Variants in N4BP2L2 observed in about 807,000 individuals in gnomAD.
N4BP2L2 encodes NEDD4 binding protein 2 like 2, also known as NEDD4-binding protein 2-like 2.
N4BP2L2 carries 50 observed loss-of-function variants against 56.2 expected under a neutral mutation model. The observed-to-expected ratio is 0.89, with a 90% CI of 0.71 to 1.13. The LOEUF (loss-of-function observed/expected upper bound fraction) is 1.13, where lower values mean the gene tolerates loss of function less well. Ranked by LOEUF, N4BP2L2 falls within the 50% of genes most tolerant of loss-of-function variation. The pLI, the probability that N4BP2L2 is intolerant of heterozygous loss-of-function variation, is 0.00. For missense variants in N4BP2L2, 689 were observed against 693.8 expected (o/e 0.99, Z 0.08); for synonymous variants, 203 against 223.6 (o/e 0.91, Z 0.82).
chr13:32,452,815 G>A (rs1041581114), intron 6 of N4BP2L2, among the ~76,000 whole-genome samples: 11 of 151,998 alleles, frequency 7.2e-5, no homozygotes, highest in African/African-American at 2.2e-4. Flanking sequence ...TATTAAAAAC[G>A]TTTCTTTAAA....
chr13:32,443,262 C>A lies in N4BP2L2; in HGVS notation c.1230G>T (p.Ser410=), dbSNP rs779630327. ...TGTTTCCTGGTTCTGATGCTGCCAC[C>A]GAAGTGAAGATCATTTGAATCCATT... Residue 410 remains serine (S), a synonymous_variant, in exon 7 of 10, where the codon TCG becomes TCT. Transcript: ENST00000357505. 3 of 1,613,806 alleles carry A rather than the reference C, an allele frequency of 1.9e-6. No homozygotes were observed. The Admixed American group carries it at 5.0e-5, about 27-fold the overall frequency.
chr13:32,522,212 T>C lies in N4BP2L2; in HGVS notation c.1443A>G (p.Gln481=), dbSNP rs2051155471. The C allele has an allele frequency of 3.8e-6, 6 of 1,573,618 alleles. No individual in the cohort carries two copies. In the South Asian group the frequency reaches 4.9e-5, roughly 13 times the overall value. ...CCACATATGGCTTCATTTCCCAAGC[T>C]TGTATATTAGTGTTATCTATTATAA... The change falls in exon 4 of 6, where the codon CAA becomes CAG. Residue 481 remains glutamine (Q), a synonymous_variant. Transcript: ENST00000267068.
At chr13:32,506,399 G>C (rs548334757), downstream of N4BP2L2, 7 of 152,120 alleles carry the variant, frequency 4.6e-5, no homozygotes, top group Non-Finnish European at 1.0e-4. Flanking sequence ...TGGGAGTGGG[G>C]GGTGGGGATG....
chr13:32,517,497 T>C, exon 6 of N4BP2L2: 5 of 1,088,296 alleles, frequency 4.6e-6, no homozygotes, highest in Non-Finnish European at 5.6e-6. Context: ...GTCTATAAAA[T>C]AGATAAATTA....
chr13:32,442,239 C>T lies in N4BP2L2; in HGVS notation c.2104+149G>A, dbSNP rs1444686784. 9 of 682,994 alleles carry T rather than the reference C, an allele frequency of 1.3e-5. No individual in the cohort carries two copies. In the Admixed American group the frequency reaches 1.9e-4, roughly 15 times the overall value. 42.3% of individuals were successfully genotyped at this position (682,994 alleles called of 1,614,324 possible). A position where few individuals can be genotyped will look rare whatever the true frequency, so the allele number is the denominator to read the frequency against. The stretch of plus-strand genomic sequence containing the variant: ...GGTGGGGACTTTGAAGATCAAGCAC[C>T]GTTTGCTATGGATCCTCACTCACTG... On this transcript the variant is annotated intron_variant, in intron 7 of 9. Transcript: ENST00000357505.
chr13:32,434,527 G>C (rs957737147), intron 9 of N4BP2L2, among the ~76,000 whole-genome samples: 2 of 152,130 alleles, frequency 1.3e-5, no homozygotes, highest in Non-Finnish European at 2.9e-5. Context: ...AGCTAGTCAG[G>C]AGGAGCCTTA....
At chr13:32,447,410 T>C (rs1353684350) in intron 6 of N4BP2L2, among the ~76,000 whole-genome samples, 1 of 151,414 alleles carries the variant, frequency 6.6e-6, no homozygotes, top group Non-Finnish European at 1.5e-5. Flanking sequence ...GTTAATTCAC[T>C]CATGGGGTGG....
intron 6 of N4BP2L2, among the ~76,000 whole-genome samples, chr13:32,496,205 ATTT>A (rs71071047): frequency 6.8e-6 from 1 of 147,860 alleles, no homozygotes; most frequent in Non-Finnish European, 1.5e-5. Context: ...CCTATTTTTT[ATTT>A]TTTTTTTTTT....
intron 1 of N4BP2L2, among the ~76,000 whole-genome samples, chr13:32,538,132 G>A (rs144665563): frequency 1.7e-3 from 256 of 151,908 alleles, no homozygotes; most frequent in Middle Eastern, 0.014. Flanking sequence ...CAGCCCAGAG[G>A]CCTATTCCAC....
chr13:32,440,761 C>A (rs2076194117), intron 7 of N4BP2L2, among the ~76,000 whole-genome samples: 1 of 152,018 alleles, frequency 6.6e-6, no homozygotes, highest in Non-Finnish European at 1.5e-5. Context: ...CTGTGGCCGG[C>A]CCAAAAAGAA....
chr13:32,471,879 C>G (rs1412862115), intron 6 of N4BP2L2, among the ~76,000 whole-genome samples: 1 of 152,224 alleles, frequency 6.6e-6, no homozygotes, highest in African/African-American at 2.4e-5. Flanking sequence ...TCAGCATAGG[C>G]TGGAAACTGA....
At chr13:32,529,081 G>A (rs1012973398) in intron 2 of N4BP2L2, among the ~76,000 whole-genome samples, 1 of 152,068 alleles carries the variant, frequency 6.6e-6, no homozygotes, top group Non-Finnish European at 1.5e-5. Context: ...AAATAACAAG[G>A]AAAAAAGTCT....
intron 6 of N4BP2L2, among the ~76,000 whole-genome samples, chr13:32,454,155 A>G (rs769298115): frequency 2.0e-5 from 3 of 152,216 alleles, no homozygotes; most frequent in Non-Finnish European, 4.4e-5. Context: ...CCCAGACTCT[A>G]TACAAGCAGG....
Position 32,536,532 on chromosome 13 carries a change from A to AT in N4BP2L2, c.495dup (p.Ser166IlefsTer4). The AT allele has an allele frequency of 6.2e-7, 1 of 1,613,764 alleles. No homozygotes were observed. Among genetic ancestry groups the AT allele is most frequent in the Non-Finnish European group, 8.5e-7 (1 of 1,179,956 alleles). On this transcript the variant is annotated frameshift_variant, in exon 2 of 6. Transcript: ENST00000267068. LOFTEE classifies it high-confidence loss of function. ...TGGAATAATTCATTGTCAATCTCTG[A>AT]TTTTTCAGAGTTAAATTTCTGTTTC... is the stretch of plus-strand genomic sequence containing the variant.
downstream of N4BP2L2, chr13:32,506,896 A>G (rs2091040215): frequency 1.3e-5 from 2 of 152,050 alleles, no homozygotes; most frequent in Admixed American, 6.5e-5. Context: ...AAGCAACTGA[A>G]AGGCATTAAG....
chr13:32,538,687 G>C, exon 1 of N4BP2L2: 3 of 985,462 alleles, frequency 3.0e-6, no homozygotes, highest in Non-Finnish European at 3.6e-6. Context: ...ACGAACCTCT[G>C]TGAAGGTGAA....
intron 6 of N4BP2L2, among the ~76,000 whole-genome samples, chr13:32,493,840 C>T (rs1480270936): frequency 6.6e-6 from 1 of 152,230 alleles, no homozygotes; most frequent in East Asian, 1.9e-4. Flanking sequence ...ATGTTACTCA[C>T]TATAATACTT....
chr13:32,511,525 A>T (rs936823635), exon 6 of N4BP2L2: 1 of 152,228 alleles, frequency 6.6e-6, no homozygotes, highest in African/African-American at 2.4e-5. Flanking sequence ...AATGATTAAC[A>T]TAATAGATTT....
rs181208580 is a variant in N4BP2L2, at chr13:32,487,425, C to T, written c.365+30432G>A. On this transcript the variant is annotated intron_variant, in intron 6 of 9. Coordinates refer to the N4BP2L2 transcript ENST00000357505. ...CAGGGAGGTTGAGGCTGCAATGAGC[C>T]GTGACCGCACCACTGCACTCCAGTC... is the stretch of plus-strand genomic sequence containing the variant. Among the ~76,000 whole-genome samples the T allele has an allele frequency of 6.0e-5, 9 of 149,816 alleles. No individual in the cohort carries two copies. The East Asian group carries it at 1.6e-3, about 26-fold the overall frequency.
Sources: gnomAD v4.1 joint callset for allele counts (sites outside exome capture counted in the v4.1 genomes callset) on GRCh38, gnomAD v4.1.1 for gene constraint, MANE v1.5 for transcripts, NCBI Gene and HGNC (gene_info 2026-07-23, HGNC 2026-07-21) for gene names.